FOXP2: variants seen among roughly 807,000 people sequenced by gnomAD.
The protein encoded by FOXP2 is forkhead box P2, also known as forkhead box protein P2.
In FOXP2, 12 loss-of-function variants were observed where a neutral mutation model predicts 115.8. The ratio of observed to expected loss-of-function variants is 0.10; its 90% CI spans 0.07 to 0.17. FOXP2 has a LOEUF of 0.17. FOXP2 is among the 10% of genes least tolerant of loss of function. The pLI is 1.00. For synonymous variants in FOXP2, 328 were observed against 297.7 expected (o/e 1.10, Z -1.05); for missense variants, 629 against 843.5 (o/e 0.75, Z 3.15).
chr7:114,593,611 A>G (rs1002482614), intron 3 of FOXP2, among the ~76,000 whole-genome samples: 4 of 152,058 alleles, frequency 2.6e-5, no homozygotes, highest in South Asian at 2.1e-4. Context: ...ATGCAAGCTA[A>G]TGGTGATATG....
chr7:114,590,190 A>G (rs1406154565), intron 3 of FOXP2, among the ~76,000 whole-genome samples: 2 of 152,188 alleles, frequency 1.3e-5, no homozygotes, highest in Non-Finnish European at 2.9e-5. Flanking sequence ...GCTTATTAAT[A>G]TAATTCACTT....
intron 3 of FOXP2, 30 bp from the exon 4 acceptor site, chr7:114,628,510 A>AT: frequency 1.2e-6 from 2 of 1,613,390 alleles, no homozygotes; most frequent in Non-Finnish European, 8.5e-7. Context: ...ATGACCACGA[A>AT]TTTTCTTTCT....
intron 1 of FOXP2, among the ~76,000 whole-genome samples, chr7:114,106,313 A>T (rs754037660): frequency 5.3e-5 from 8 of 151,710 alleles, no homozygotes; most frequent in African/African-American, 1.9e-4. Flanking sequence ...TTTAGTGATA[A>T]CTAGGGATCT....
At chr7:114,401,535 G>A (rs1167940887) in intron 2 of FOXP2, among the ~76,000 whole-genome samples, 1 of 152,008 alleles carries the variant, frequency 6.6e-6, no homozygotes, top group Admixed American at 6.6e-5. Flanking sequence ...CTGCTGGGTC[G>A]GCATTATCAA....
Position 114,193,419 on chromosome 7 carries a change from A to G in FOXP2, c.-102+30331A>G, listed in dbSNP as rs534822825. Among the ~76,000 whole-genome samples, 98 of 151,980 alleles carry G rather than the reference A, an allele frequency of 6.4e-4. 1 individual carries two copies. Among genetic ancestry groups the G allele is most frequent in the African/African-American group, 2.3e-3 (97 of 41,530 alleles). ...TGGTTTATGTTAGTTGTATTCCTAG[A>G]TAATTCAATGTATATTAAACTGTAA... On this transcript the variant is annotated intron_variant, in intron 1 of 17. Coordinates refer to the FOXP2 transcript ENST00000634411.
intron 2 of FOXP2, among the ~76,000 whole-genome samples, chr7:114,370,524 G>A (rs1239984249): frequency 1.3e-5 from 2 of 152,182 alleles, no homozygotes; most frequent in Admixed American, 6.5e-5. Flanking sequence ...GTCTGAGCCT[G>A]GCAAAGTGCT....
At chr7:114,400,091 C>T (rs1275900156) in intron 2 of FOXP2, among the ~76,000 whole-genome samples, 1 of 152,032 alleles carries the variant, frequency 6.6e-6, no homozygotes, top group East Asian at 1.9e-4. Context: ...AACTCCTGAC[C>T]TCGTGATCCA....
In FOXP2 at chr7:114,669,936, T is replaced by A. The variant is rs984843727; in HGVS notation, c.2003+5500T>A. 2.6e-5 allele frequency: 4 copies of A among 152,226 alleles called. No individual in the cohort carries two copies. The South Asian group carries it at 8.3e-4, about 32-fold the overall frequency. 9.4% of individuals were successfully genotyped at this position (152,226 alleles called of 1,614,324 possible). A position where few individuals can be genotyped will look rare whatever the true frequency, so the allele number is the denominator to read the frequency against. On this transcript the variant is annotated intron_variant, in intron 16 of 16. Coordinates refer to ENST00000350908, the MANE Select transcript of FOXP2 (RefSeq NM_014491.4). Reference sequence around the variant, plus strand: ...AAATGTTAAATGAGATTCCCATTTTTATATTTTCAAATGTTGTGTCTAGAG... The same window carrying A: ...AAATGTTAAATGAGATTCCCATTTTAATATTTTCAAATGTTGTGTCTAGAG...
chr7:114,533,714 G>GA (rs1799247264), intron 2 of FOXP2, among the ~76,000 whole-genome samples: 3 of 151,822 alleles, frequency 2.0e-5, no homozygotes, highest in African/African-American at 7.2e-5. Context: ...TGTTGAGAGA[G>GA]AAAATGAATT....
intron 1 of FOXP2, among the ~76,000 whole-genome samples, chr7:114,280,965 G>A (rs1167222437): frequency 6.6e-6 from 1 of 151,912 alleles, no homozygotes; most frequent in Non-Finnish European, 1.5e-5. Flanking sequence ...TGCTTAACCT[G>A]TCCTTAAGCA....
At chr7:114,480,165 T>C (rs1181760510) in intron 2 of FOXP2, among the ~76,000 whole-genome samples, 1 of 151,428 alleles carries the variant, frequency 6.6e-6, no homozygotes, top group Non-Finnish European at 1.5e-5. Context: ...CAAAAGAAGA[T>C]TTTGTTATTT....
chr7:114,301,296 C>T (rs1227915370), intron 2 of FOXP2, among the ~76,000 whole-genome samples: 2 of 151,958 alleles, frequency 1.3e-5, no homozygotes, highest in African/African-American at 2.4e-5. Flanking sequence ...TATAAAAATA[C>T]CTTTATTTCA....
chr7:114,563,929 T>C (rs1360646963), intron 3 of FOXP2, among the ~76,000 whole-genome samples: 1 of 152,140 alleles, frequency 6.6e-6, no homozygotes, highest in Non-Finnish European at 1.5e-5. Context: ...GGTCCTCAAA[T>C]TGGGTATCCT....
At chr7:114,361,020 G>A (rs1344758714) in intron 2 of FOXP2, among the ~76,000 whole-genome samples, 1 of 152,064 alleles carries the variant, frequency 6.6e-6, no homozygotes, top group Non-Finnish European at 1.5e-5. Flanking sequence ...CACAGTGTTG[G>A]AATAGGACAC....
intron 1 of FOXP2, among the ~76,000 whole-genome samples, chr7:114,280,444 A>G (rs954284434): frequency 3.3e-5 from 5 of 152,122 alleles, no homozygotes; most frequent in African/African-American, 1.2e-4. Flanking sequence ...TATTTTAGAC[A>G]TGTATTATTC....
chr7:114,116,151 G>A (rs1360023064), intron 1 of FOXP2, among the ~76,000 whole-genome samples: 1 of 152,102 alleles, frequency 6.6e-6, no homozygotes, highest in African/African-American at 2.4e-5. Context: ...GACACCGTTG[G>A]AACAACTCCA....
At chr7:114,372,258 A>AC (rs1792030939) in intron 2 of FOXP2, among the ~76,000 whole-genome samples, 1 of 152,192 alleles carries the variant, frequency 6.6e-6, no homozygotes, top group South Asian at 2.1e-4. Flanking sequence ...ATTCTATTTA[A>AC]AAAAAACTGT....
chr7:114,102,732 A>ACACACACACCCC (rs757957770), intron 1 of FOXP2, among the ~76,000 whole-genome samples: 6 of 146,084 alleles, frequency 4.1e-5, no homozygotes, highest in African/African-American at 1.5e-4. Context: ...ACACACACAC[A>ACACACACACCCC]CCCCAATGGT....
At chr7:114,632,030 T>A (rs1303245312) in intron 6 of FOXP2, among the ~76,000 whole-genome samples, 1 of 152,180 alleles carries the variant, frequency 6.6e-6, no homozygotes, top group African/African-American at 2.4e-5. Context: ...GGGAATTGGA[T>A]TACCGGGAAG....
Sources: gnomAD v4.1 joint callset for allele counts (sites outside exome capture counted in the v4.1 genomes callset) on GRCh38, gnomAD v4.1.1 for gene constraint, MANE v1.5 for transcripts, NCBI Gene and HGNC (gene_info 2026-07-23, HGNC 2026-07-21) for gene names.